The following CNTNAP2 variants were observed in gnomAD, a reference collection of about 807,000 sequenced individuals.
CNTNAP2 encodes the protein contactin associated protein 2.
Under a neutral mutation model 155.2 loss-of-function variants are expected in CNTNAP2, and 98 were observed. That is an observed-to-expected ratio of 0.63 (90% CI 0.54 to 0.75). CNTNAP2 has a LOEUF of 0.75. Among genes scored for constraint, CNTNAP2 ranks in the 30% least tolerant of loss-of-function variants. The pLI, the probability that CNTNAP2 is intolerant of heterozygous loss-of-function variation, is 0.00. For synonymous variants in CNTNAP2, 651 were observed against 631.2 expected (o/e 1.03, Z -0.47); for missense variants, 1,727 against 1,688.1 (o/e 1.02, Z -0.40).
chr7:147,918,538 A>G (rs1270237585), intron 14 of CNTNAP2, among the ~76,000 whole-genome samples: 1 of 152,234 alleles, frequency 6.6e-6, no homozygotes, highest in African/African-American at 2.4e-5. Context: ...GTATACAAGT[A>G]TATTACATGC....
At chr7:147,644,185 A>G (rs913539525) in intron 13 of CNTNAP2, among the ~76,000 whole-genome samples, 7 of 152,240 alleles carry the variant, frequency 4.6e-5, no homozygotes, top group Non-Finnish European at 4.4e-5. Flanking sequence ...ACCCAAACAG[A>G]GAAAAATCAT....
chr7:147,819,280 A>T (rs1798324697), intron 13 of CNTNAP2, among the ~76,000 whole-genome samples: 1 of 152,164 alleles, frequency 6.6e-6, no homozygotes, highest in African/African-American at 2.4e-5. Context: ...AAAAGGTACA[A>T]TGGGAAATGC....
intron 1 of CNTNAP2, among the ~76,000 whole-genome samples, chr7:146,309,533 G>C (rs1397936410): frequency 1.3e-5 from 2 of 152,080 alleles, no homozygotes; most frequent in African/African-American, 2.4e-5. Flanking sequence ...GGGGCGCGGT[G>C]GCTCATGCAT....
chr7:146,674,610 A>G (rs991280408), intron 1 of CNTNAP2, among the ~76,000 whole-genome samples: 1 of 152,138 alleles, frequency 6.6e-6, no homozygotes, highest in African/African-American at 2.4e-5. Context: ...TATTTATTTG[A>G]TGTGTAGGGG....
chr7:147,460,101 C>A (rs28750276), intron 10 of CNTNAP2, among the ~76,000 whole-genome samples: 34,192 of 151,760 alleles, frequency 0.23, 4,345 homozygotes, highest in African/African-American at 0.34. Context: ...TGTAACAAAC[C>A]TGCACTTTCT....
At chr7:147,229,970 A>G (rs981728034) in intron 8 of CNTNAP2, among the ~76,000 whole-genome samples, 2 of 152,192 alleles carry the variant, frequency 1.3e-5, no homozygotes, top group African/African-American at 2.4e-5. Flanking sequence ...GTTGAAACTT[A>G]CTATACATCA....
At chr7:148,226,286 C>T (rs767062160) in intron 19 of CNTNAP2, among the ~76,000 whole-genome samples, 7 of 151,892 alleles carry the variant, frequency 4.6e-5, no homozygotes, top group East Asian at 1.9e-4. Context: ...TGGGCATACA[C>T]CTTATTCAAA....
At chr7:146,816,373 G>A (rs1048206611) in intron 2 of CNTNAP2, among the ~76,000 whole-genome samples, 4 of 152,134 alleles carry the variant, frequency 2.6e-5, no homozygotes, top group African/African-American at 9.7e-5. Flanking sequence ...GGATTCGGTG[G>A]AGAGAACTTT....
chr7:146,129,441 A>G (rs1797683719), intron 1 of CNTNAP2, among the ~76,000 whole-genome samples: 5 of 152,142 alleles, frequency 3.3e-5, no homozygotes, highest in Admixed American at 3.3e-4. Context: ...CAAAGTCTCA[A>G]GTGGTGGCGC....
chr7:146,680,750 C>G (rs1800487749), intron 1 of CNTNAP2, among the ~76,000 whole-genome samples: 1 of 152,092 alleles, frequency 6.6e-6, no homozygotes, highest in African/African-American at 2.4e-5. Flanking sequence ...AATAACGAAG[C>G]ATGTGGCAAT....
chr7:147,864,686 A>C (rs982497076), intron 13 of CNTNAP2, among the ~76,000 whole-genome samples: 3 of 152,132 alleles, frequency 2.0e-5, no homozygotes, highest in African/African-American at 7.2e-5. Flanking sequence ...TTTTCTTTGA[A>C]GCAATTGTGA....
chr7:146,129,449 C>T (rs181141641), intron 1 of CNTNAP2, among the ~76,000 whole-genome samples: 96 of 152,194 alleles, frequency 6.3e-4, no homozygotes, highest in Admixed American at 2.3e-3. Context: ...CAAGTGGTGG[C>T]GCTAAAGACA....
chr7:146,171,142 A>G (rs892107564), intron 1 of CNTNAP2, among the ~76,000 whole-genome samples: 10 of 152,188 alleles, frequency 6.6e-5, no homozygotes, highest in Non-Finnish European at 1.5e-4. Context: ...ATTCTGCTAT[A>G]CTGAGTAGAG....
At chr7:146,148,569 G>A (rs571306097) in intron 1 of CNTNAP2, among the ~76,000 whole-genome samples, 6 of 152,154 alleles carry the variant, frequency 3.9e-5, no homozygotes, top group Admixed American at 6.6e-5. Context: ...AGACGTGCAC[G>A]CCTGATTTAT....
At chr7:147,266,930 G>A (rs1804625126) in intron 8 of CNTNAP2, among the ~76,000 whole-genome samples, 1 of 152,132 alleles carries the variant, frequency 6.6e-6, no homozygotes, top group South Asian at 2.1e-4. Flanking sequence ...ATCTAGGATA[G>A]TGTTATGATT....
At chr7:146,935,372 A>C (rs1796891400) in intron 3 of CNTNAP2, among the ~76,000 whole-genome samples, 1 of 152,200 alleles carries the variant, frequency 6.6e-6, no homozygotes, top group African/African-American at 2.4e-5. Flanking sequence ...TTGATAGATA[A>C]AATATGAAAG....
At chr7:146,664,271 C>T (rs1047380138) in intron 1 of CNTNAP2, among the ~76,000 whole-genome samples, 37 of 147,922 alleles carry the variant, frequency 2.5e-4, no homozygotes, top group African/African-American at 8.2e-4. Context: ...AAGTGATTCT[C>T]GTGCCTCATC....
At chr7:148,172,535 TC>T in intron 18 of CNTNAP2, 57 bp downstream of exon 18, 1 of 1,413,638 alleles carries the variant, frequency 7.1e-7, no homozygotes, top group Non-Finnish European at 1.0e-6. Flanking sequence ...GCCCAAATCA[TC>T]TATTTAATGA....
chr7:146,684,850 G>A (rs1800568998), intron 1 of CNTNAP2, among the ~76,000 whole-genome samples: 1 of 152,036 alleles, frequency 6.6e-6, no homozygotes, highest in African/African-American at 2.4e-5. Flanking sequence ...TTCATGAATG[G>A]TGCTCCGTGA....
Sources: allele counts gnomAD v4.1 joint callset (sites outside exome capture counted in the v4.1 genomes callset), GRCh38; gene constraint gnomAD v4.1.1; transcripts MANE v1.5; gene names NCBI Gene and HGNC (gene_info 2026-07-23, HGNC 2026-07-21).